The following VWF variants were observed in gnomAD, a reference collection of about 807,000 sequenced individuals.
VWF encodes von Willebrand factor.
A neutral mutation model predicts 308.6 loss-of-function variants in VWF; 176 were observed. The observed-to-expected ratio is 0.57, with a 90% CI of 0.50 to 0.65. The LOEUF is 0.65. Ranked by LOEUF, VWF falls within the 30% of genes least tolerant of loss-of-function variation. The pLI is 0.00. For synonymous variants in VWF, 1,385 were observed against 1,443.4 expected, an observed-to-expected ratio of 0.96 and a Z score of 0.92; for missense variants, 3,146 against 3,648.2, an observed-to-expected ratio of 0.86 and a Z score of 3.55.
chr12:6,056,869 G>A lies in VWF; in HGVS notation c.1933C>T (p.Pro645Ser). 6.8e-7 allele frequency: 1 copy of A among 1,466,612 alleles called. No homozygotes were observed. The highest frequency in any genetic ancestry group is 8.9e-7 in the Non-Finnish European group (1 of 1,118,534). The allele number at this position is 1,466,612 out of a possible 1,614,324, so 90.8% of individuals were successfully genotyped here. ...GRGVRVAWRE[P>S]GRCELNCPKG... ...GGAGGGCACGCACCACAGCGGCCTG[G>A]CTCGCGCCACGCGACGCGCACGCCT... Residue 645 changes from proline to serine, a missense_variant, in exon 15 of 52, where the codon CCA becomes TCA. This residue lies in a region of VWF where 1,304 missense variants were observed against 1,353.0 expected (regional missense o/e 0.96). Coordinates refer to ENST00000261405, the MANE Select transcript of VWF (RefSeq NM_000552.5).
intron 3 of VWF, among the ~76,000 whole-genome samples, chr12:6,116,103 A>G (rs1945363107): frequency 6.6e-6 from 1 of 152,174 alleles, no homozygotes; most frequent in African/African-American, 2.4e-5. Flanking sequence ...CCATTAGGAA[A>G]ACGAGCCATT....
intron 42 of VWF, among the ~76,000 whole-genome samples, chr12:5,980,615 G>T (rs1174874668): frequency 1.3e-5 from 2 of 152,188 alleles, no homozygotes; most frequent in Non-Finnish European, 1.5e-5. Flanking sequence ...ACGAGAAGGA[G>T]AACAGAGATA....
intron 20 of VWF, among the ~76,000 whole-genome samples, chr12:6,032,378 GC>G (rs1181745237): frequency 2.0e-5 from 3 of 150,458 alleles, no homozygotes; most frequent in Non-Finnish European, 4.4e-5. Flanking sequence ...GGTGGCCCAC[GC>G]CTGTAATCCC....
Position 5,986,099 on chromosome 12 carries a change from C to T in VWF, c.6799-434G>A, listed in dbSNP as rs559942172. Among the ~76,000 whole-genome samples, 5 of 151,876 alleles carry T rather than the reference C, an allele frequency of 3.3e-5. No individual in the cohort carries two copies. In the East Asian group the frequency reaches 9.7e-4, roughly 30 times the overall value. ...GACAGCAAAACTCTTGAAAGCATCA[C>T]ATTCTTGATGCCCGCAGTGACTTTA... is the stretch of plus-strand genomic sequence containing the variant. On this transcript the variant is annotated intron_variant, in intron 38 of 51. Coordinates refer to ENST00000261405, the MANE Select transcript of VWF (RefSeq NM_000552.5).
intron 6 of VWF, among the ~76,000 whole-genome samples, chr12:6,080,210 C>T (rs1468749910): frequency 2.0e-5 from 3 of 152,224 alleles, no homozygotes; most frequent in Non-Finnish European, 4.4e-5. Context: ...TCTCTGCAAG[C>T]TTTTCAAAGA....
At chr12:6,084,235 C>T (rs1215581588) in intron 6 of VWF, among the ~76,000 whole-genome samples, 1 of 152,220 alleles carries the variant, frequency 6.6e-6, no homozygotes, top group Non-Finnish European at 1.5e-5. Flanking sequence ...GCAATCGGTA[C>T]TGGCTCCTCA....
At chr12:6,027,886 CT>C (rs1944214088) in intron 22 of VWF, among the ~76,000 whole-genome samples, 1 of 120,026 alleles carries the variant, frequency 8.3e-6, no homozygotes, top group Middle Eastern at 4.5e-3. Flanking sequence ...ACACACACCC[CT>C]AAACAAAAAA....
intron 50 of VWF, among the ~76,000 whole-genome samples, chr12:5,950,172 T>A (rs1184263185): frequency 1.3e-5 from 2 of 152,220 alleles, no homozygotes; most frequent in African/African-American, 4.8e-5. Flanking sequence ...AAGACTTGCC[T>A]TTGTATCATT....
chr12:5,996,259 T>TCCAAACC, intron 34 of VWF, 37 bp from the exon 35 acceptor site: 1 of 1,574,870 alleles, frequency 6.3e-7, no homozygotes, highest in Non-Finnish European at 8.6e-7. Context: ...TGCGACGTTA[T>TCCAAACC]CCAAACCCCC....
chr12:6,057,964 G>A lies in VWF; in HGVS notation c.1614C>T (p.Pro538=), dbSNP rs138268387. 6.7e-4 allele frequency: 1,088 copies of A among 1,613,774 alleles called. No homozygotes were observed. Among genetic ancestry groups the A allele is most frequent in the Non-Finnish European group, 8.6e-4 (1,020 of 1,180,034 alleles). ...NGNQGDDFLT[P]SGLAEPRVED... ...CCACCCGGGGCTCCGCCAGCCCAGA[G>A]GGGGTAAGGAAGTCGTCGCCCTGGT... The change falls in exon 14 of 52, where the codon CCC becomes CCT. Residue 538 remains proline (P), a synonymous_variant. Transcript: ENST00000261405.
At chr12:5,966,526 T>G (rs777187928) in intron 47 of VWF, among the ~76,000 whole-genome samples, 1 of 152,194 alleles carries the variant, frequency 6.6e-6, no homozygotes, top group Non-Finnish European at 1.5e-5. Flanking sequence ...AGAACACAGA[T>G]GTAGAACATC....
intron 6 of VWF, among the ~76,000 whole-genome samples, chr12:6,076,614 A>G (rs977135208): frequency 3.9e-5 from 6 of 152,220 alleles, no homozygotes; most frequent in Admixed American, 2.6e-4. Context: ...TATGATCTTC[A>G]GCTAAAAAGA....
intron 34 of VWF, among the ~76,000 whole-genome samples, chr12:5,998,463 G>A (rs1202654183): frequency 4.4e-5 from 2 of 45,728 alleles, no homozygotes; most frequent in Non-Finnish European, 7.1e-5. Flanking sequence ...CCGAGACTCC[G>A]TCAAAAAAAA....
chr12:6,097,836 A>G (rs1945121362), intron 5 of VWF, among the ~76,000 whole-genome samples: 1 of 152,234 alleles, frequency 6.6e-6, no homozygotes, highest in Non-Finnish European at 1.5e-5. Flanking sequence ...CTCTCTGGGT[A>G]CTCAGTCACT....
chr12:6,090,358 C>T (rs781304294), intron 6 of VWF, among the ~76,000 whole-genome samples: 20 of 152,316 alleles, frequency 1.3e-4, no homozygotes, highest in East Asian at 7.7e-4. Flanking sequence ...CTGTCACTTA[C>T]CCACTTGGAG....
At chr12:5,979,242 G>T (rs1943565954) in intron 42 of VWF, among the ~76,000 whole-genome samples, 1 of 152,206 alleles carries the variant, frequency 6.6e-6, no homozygotes, top group South Asian at 2.1e-4. Context: ...AAGCAGTTGG[G>T]AGAAAGTTCT....
rs762325612 is a variant in VWF at position 6,046,716 on chromosome 12, T to G, written c.2281+7A>C. Reference sequence around the variant, plus strand: ...GTCAATGGGCCTTCCAGGGGGACAGTACTCACTGCGATGAGACAGGGGACT... The same window carrying G: ...GTCAATGGGCCTTCCAGGGGGACAGGACTCACTGCGATGAGACAGGGGACT... On this transcript the variant is annotated splice_region_variant and intron_variant, in intron 17 of 51. Transcript: ENST00000261405. This position sits in a 1 kb window ranked among gnomAD's most constrained non-coding sequence, Gnocchi z 5.0. The G allele has an allele frequency of 4.3e-6, 7 of 1,613,772 alleles. No individual in the cohort carries two copies. The highest frequency in any genetic ancestry group is 5.9e-6 in the Non-Finnish European group (7 of 1,179,722).
At chr12:5,961,838 G>GT (rs1434075432) in intron 47 of VWF, among the ~76,000 whole-genome samples, 1 of 152,030 alleles carries the variant, frequency 6.6e-6, no homozygotes, top group Non-Finnish European at 1.5e-5. Flanking sequence ...AGATGTGAAT[G>GT]TGTGTGTCCC....
rs147885253 is a variant in VWF, at chr12:5,952,359, A to T, written c.8115+32T>A. The stretch of plus-strand genomic sequence containing the variant: ...AAGAATCTTGTTCTTAGAGATTGAG[A>T]CAGTAAAGAGGAAAGCAGAATGAGT... On this transcript the variant is annotated intron_variant, in intron 49 of 51. Coordinates refer to ENST00000261405, the MANE Select transcript of VWF (RefSeq NM_000552.5). 9 of 1,613,226 alleles carry T rather than the reference A, an allele frequency of 5.6e-6. No homozygotes were observed. In the East Asian group the frequency reaches 1.8e-4, roughly 32 times the overall value.
Sources: allele counts gnomAD v4.1 joint callset (sites outside exome capture counted in the v4.1 genomes callset), GRCh38; gene constraint gnomAD v4.1.1; regional missense constraint gnomAD v4.1.1; non-coding constraint Gnocchi (gnomAD v3.1); transcripts MANE v1.5; gene names NCBI Gene and HGNC (gene_info 2026-07-23, HGNC 2026-07-21).